The following TTC28 variants were observed in gnomAD, a reference collection of about 807,000 sequenced individuals.
TTC28 encodes the protein tetratricopeptide repeat protein 28.
In TTC28, 61 loss-of-function variants were observed where a neutral mutation model predicts 198.0. The ratio of observed to expected loss-of-function variants is 0.31; its 90% CI spans 0.25 to 0.38. The LOEUF is 0.38. TTC28 is among the 10% of genes least tolerant of loss of function. The pLI, the probability that TTC28 is intolerant of heterozygous loss-of-function variation, is 1.00. For synonymous variants in TTC28, 1,171 were observed against 1,297.8 expected (o/e 0.90, Z 2.10); for missense variants, 2,678 against 3,164.0 (o/e 0.85, Z 3.69).
intron 2 of TTC28, among the ~76,000 whole-genome samples, chr22:28,621,984 T>A (rs2051008032): frequency 1.3e-5 from 2 of 152,158 alleles, no homozygotes; most frequent in South Asian, 4.1e-4. Context: ...GAGATCCTGC[T>A]GGACTCACCC....
intron 12 of TTC28, among the ~76,000 whole-genome samples, chr22:28,068,426 C>G (rs1940843099): frequency 6.6e-6 from 1 of 152,196 alleles, no homozygotes; most frequent in Admixed American, 6.5e-5. Flanking sequence ...GGTGTTAAAG[C>G]ACCACTGTGT....
At chr22:28,060,952 G>C (rs947393812) in intron 12 of TTC28, among the ~76,000 whole-genome samples, 8 of 152,172 alleles carry the variant, frequency 5.3e-5, no homozygotes, top group African/African-American at 1.7e-4. Context: ...GTTTTGATTT[G>C]CATTTCTCTG....
chr22:28,673,592 T>G (rs1343658198), intron 1 of TTC28, among the ~76,000 whole-genome samples: 5 of 152,192 alleles, frequency 3.3e-5, no homozygotes, highest in Non-Finnish European at 7.3e-5. Context: ...GAGTATCACT[T>G]TGGTAAAGAT....
chr22:28,672,254 C>T (rs2051899646), intron 1 of TTC28, among the ~76,000 whole-genome samples: 1 of 152,172 alleles, frequency 6.6e-6, no homozygotes, highest in South Asian at 2.1e-4. Flanking sequence ...CTGCAAGCTC[C>T]GCCTCCCGGG....
At chr22:28,082,221 C>T (rs993967202) in intron 12 of TTC28, among the ~76,000 whole-genome samples, 3 of 152,146 alleles carry the variant, frequency 2.0e-5, no homozygotes, top group Non-Finnish European at 2.9e-5. Flanking sequence ...TCACTCTTCC[C>T]TTTTCAATTT....
At chr22:28,204,818 A>G (rs956297245) in intron 5 of TTC28, among the ~76,000 whole-genome samples, 16 of 152,200 alleles carry the variant, frequency 1.1e-4, no homozygotes, top group African/African-American at 3.9e-4. Flanking sequence ...TACAGGGAAC[A>G]CTAGAGAAAC....
At chr22:28,098,409 C>T (rs1206172808) in intron 10 of TTC28, among the ~76,000 whole-genome samples, 1 of 152,158 alleles carries the variant, frequency 6.6e-6, no homozygotes, top group Non-Finnish European at 1.5e-5. Context: ...CCGGACCCAC[C>T]AGACAAGAGA....
chr22:28,120,686 C>G (rs1018912427), intron 6 of TTC28, among the ~76,000 whole-genome samples: 2 of 152,144 alleles, frequency 1.3e-5, no homozygotes, highest in African/African-American at 2.4e-5. Context: ...TGAAAATGAA[C>G]AGGAAAAGGG....
chr22:28,060,427 C>T (rs1046071230), intron 12 of TTC28, among the ~76,000 whole-genome samples: 3 of 152,206 alleles, frequency 2.0e-5, no homozygotes, highest in African/African-American at 7.2e-5. Flanking sequence ...GACATGAACT[C>T]ATCCTTTTTT....
chr22:28,473,572 T>C (rs915180595), intron 2 of TTC28, among the ~76,000 whole-genome samples: 1 of 152,154 alleles, frequency 6.6e-6, no homozygotes, highest in Non-Finnish European at 1.5e-5. Flanking sequence ...TAATTAAAAG[T>C]GGGTCTAAAT....
chr22:28,595,940 T>C (rs558179068), intron 2 of TTC28, among the ~76,000 whole-genome samples: 18 of 151,990 alleles, frequency 1.2e-4, no homozygotes, highest in Non-Finnish European at 2.1e-4. Flanking sequence ...AATAATAACA[T>C]GTAAGTCACT....
chr22:28,502,832 TATCCTTGTTTGGGC>T (rs2048555557), intron 2 of TTC28, among the ~76,000 whole-genome samples: 2 of 152,126 alleles, frequency 1.3e-5, no homozygotes, highest in Non-Finnish European at 1.5e-5. Flanking sequence ...AAAACAAGCA[TATCCTTGTTTGGGC>T]TATATATCTT....
chr22:28,100,590 C>T (rs1942112432), intron 9 of TTC28, among the ~76,000 whole-genome samples: 1 of 152,174 alleles, frequency 6.6e-6, no homozygotes, highest in African/African-American at 2.4e-5. Flanking sequence ...GTCTGGATGT[C>T]CTTATCCTTG....
intron 2 of TTC28, among the ~76,000 whole-genome samples, chr22:28,336,562 C>T (rs1229037742): frequency 2.6e-5 from 4 of 152,010 alleles, no homozygotes; most frequent in Non-Finnish European, 1.5e-5. Context: ...CTGGTTTAGT[C>T]TTGGGAGGGT....
At chr22:28,349,902 CCGAGTGCCCA>C (rs1228858155) in intron 2 of TTC28, among the ~76,000 whole-genome samples, 3 of 152,154 alleles carry the variant, frequency 2.0e-5, no homozygotes, top group Non-Finnish European at 4.4e-5. Context: ...CCTTGTAACC[CCGAGTGCCCA>C]ACACTTCTAA....
chr22:27,990,830 T>C lies in TTC28; in HGVS notation c.5554-18A>G, dbSNP rs934907702. ...TTAACAGCCTTCGGCCAGCAGATTA[T>C]AAGAAAAAGAAAGAAAGAGAGAAAG... On this transcript the variant is annotated intron_variant, in intron 19 of 22. Transcript: ENST00000397906. 1.9e-5 allele frequency: 30 copies of C among 1,547,266 alleles called. No individual in the cohort carries two copies. The African/African-American group carries it at 4.0e-4, about 21-fold the overall frequency.
chr22:28,182,185 A>C (rs893374762), intron 5 of TTC28, among the ~76,000 whole-genome samples: 1 of 152,182 alleles, frequency 6.6e-6, no homozygotes, highest in African/African-American at 2.4e-5. Flanking sequence ...CTAGCTTCAT[A>C]AGCATTTTCA....
At chr22:28,089,864 A>G (rs1308232034) in intron 12 of TTC28, among the ~76,000 whole-genome samples, 1 of 151,900 alleles carries the variant, frequency 6.6e-6, no homozygotes, top group Non-Finnish European at 1.5e-5. Flanking sequence ...TATCGCAAGG[A>G]CAAAAAACCA....
intron 6 of TTC28, among the ~76,000 whole-genome samples, chr22:28,133,615 A>G (rs1943116055): frequency 6.6e-6 from 1 of 152,190 alleles, no homozygotes; most frequent in Admixed American, 6.5e-5. Flanking sequence ...CCTCATTGCT[A>G]GCACAGCAGT....
Sources: gnomAD v4.1 joint callset for allele counts (sites outside exome capture counted in the v4.1 genomes callset) on GRCh38, gnomAD v4.1.1 for gene constraint, MANE v1.5 for transcripts, NCBI Gene and HGNC (gene_info 2026-07-23, HGNC 2026-07-21) for gene names.